The following MICALL2 variants were observed in gnomAD, a reference collection of about 807,000 sequenced individuals.
MICALL2 encodes the protein MICAL-like protein 2.
Under a neutral mutation model 91.1 loss-of-function variants are expected in MICALL2, and 111 were observed. The ratio of observed to expected loss-of-function variants is 1.22; its 90% CI spans 1.04 to 1.43. MICALL2 has a LOEUF of 1.43. Ranked by LOEUF, MICALL2 falls within the 40% of genes most tolerant of loss-of-function variation. The probability of loss-of-function intolerance (pLI) is 0.00; values close to 1 mark genes in which losing one functional copy is unlikely to be tolerated. For synonymous variants in MICALL2, 694 were observed against 525.3 expected (o/e 1.32, Z -4.39); for missense variants, 1,556 against 1,236.0 (o/e 1.26, Z -3.88).
intron 14 of MICALL2, 71 bp downstream of exon 14, chr7:1,437,464 C>G: frequency 7.3e-7 from 1 of 1,363,782 alleles, no homozygotes; most frequent in Non-Finnish European, 9.7e-7. Context: ...CTCACAGAGC[C>G]GGCCCCCAGA....
Position 1,442,180 on chromosome 7 carries a change from C to T in MICALL2, c.1711+12G>A. 6.2e-7 allele frequency: 1 copy of T among 1,611,348 alleles called. No homozygotes were observed. The highest frequency in any genetic ancestry group is 1.1e-5 in the South Asian group (1 of 90,968). On this transcript the variant is annotated intron_variant, in intron 7 of 16. Coordinates refer to ENST00000297508, the MANE Select transcript of MICALL2 (RefSeq NM_182924.4). ...GCCCCCGGGGCCTCCTGCCTCCCAG[C>T]CCCTTACTCACCCTGCGTTAAGGTG...
At position 1,434,458 on chromosome 7, in the gene MICALL2, G is replaced by A; in HGVS notation, c.*138C>T. 1.3e-6 allele frequency: 1 copy of A among 766,900 alleles called. No individual in the cohort carries two copies. Among genetic ancestry groups the A allele is most frequent in the South Asian group, 1.4e-5 (1 of 69,782 alleles). The allele number at this position is 766,900 out of a possible 1,614,324, so 47.5% of individuals were successfully genotyped here. The stretch of plus-strand genomic sequence containing the variant: ...TGTAGGGACAGGAGGCCCTTCCCGA[G>A]TCCAAGTCCGAATGCCGGGTCCGGG... On this transcript the variant is annotated 3_prime_UTR_variant, in exon 17 of 17. Coordinates refer to ENST00000297508, the MANE Select transcript of MICALL2 (RefSeq NM_182924.4).
At position 1,451,862 on chromosome 7, in the gene MICALL2, G is replaced by A. The variant is rs1299840859; in HGVS notation, c.144-1574C>T. On this transcript the variant is annotated intron_variant, in intron 1 of 16. Coordinates refer to ENST00000297508, the MANE Select transcript of MICALL2 (RefSeq NM_182924.4). This position sits in a 1 kb window ranked among gnomAD's most constrained non-coding sequence, Gnocchi z 4.5. Reference sequence around the variant, plus strand: ...GGCGGCCTAGTTCTGAGCCCAGCCTGCACAGCCCTTGCCAGGCCCTGACCC... The same window carrying A: ...GGCGGCCTAGTTCTGAGCCCAGCCTACACAGCCCTTGCCAGGCCCTGACCC... 6.6e-6 allele frequency among the ~76,000 whole-genome samples: 1 copy of A among 152,210 alleles called. No individual in the cohort carries two copies. The highest frequency in any genetic ancestry group is 1.9e-4 in the East Asian group (1 of 5,188).
rs113968867 is a variant in MICALL2 at position 1,445,312 on chromosome 7, G to A, written c.758C>T (p.Thr253Met). ...CCCTGGCTGTCGGGGGACCAGACCC[G>A]TCAACTTGGGGCTTGCAGAGGCGGC... Reference protein sequence around the residue: ...PAAASASPKLTGLVPRQPGAM... With the variant: ...PAAASASPKLMGLVPRQPGAM... Residue 253 changes from threonine (T) to methionine (M), a missense_variant, in exon 6 of 17, where the codon ACG becomes ATG. By Grantham distance (81) the Thr-to-Met change is moderately conservative (BLOSUM62 -1). Transcript: ENST00000297508. 212 of 1,611,304 alleles carry A rather than the reference G, an allele frequency of 1.3e-4. No individual in the cohort carries two copies. In the East Asian group the frequency reaches 1.9e-3, roughly 15 times the overall value.
In MICALL2 at chr7:1,442,342, TCAG is replaced by T; in HGVS notation, c.1558_1560del (p.Leu520del). The T allele has an allele frequency of 6.2e-7, 1 of 1,612,940 alleles. No individual in the cohort carries two copies. The highest frequency in any genetic ancestry group is 1.1e-5 in the South Asian group (1 of 91,056). On this transcript the variant is annotated inframe_deletion, in exon 7 of 17. Coordinates refer to ENST00000297508, the MANE Select transcript of MICALL2 (RefSeq NM_182924.4). ...GATGCCTGAGAGGTACTGCTCGTGC[TCAG>T]CGGGGCTGGCGGTTCCATCCTCGAA...
chr7:1,456,697 G>C (rs1354034570), intron 1 of MICALL2, among the ~76,000 whole-genome samples: 1 of 152,170 alleles, frequency 6.6e-6, no homozygotes, highest in African/African-American at 2.4e-5. Flanking sequence ...CTTGAGTCCA[G>C]GTGTTCAAGA....
At position 1,434,583 on chromosome 7, in the gene MICALL2, G is replaced by C. The variant is rs1459383994; in HGVS notation, c.*13C>G. 4 of 1,606,752 alleles carry C rather than the reference G, an allele frequency of 2.5e-6. No individual in the cohort carries two copies. In the African/African-American group the frequency reaches 4.0e-5, roughly 16 times the overall value. ...ATGCCAGGTCCGGGCCGAGCCCACG[G>C]CCCTACTGGCTACTACTGGGAGGGG... On this transcript the variant is annotated 3_prime_UTR_variant, in exon 17 of 17. Transcript: ENST00000297508.
chr7:1,448,061 A>T (rs954534961), intron 3 of MICALL2: 1 of 136,002 alleles, frequency 7.4e-6, no homozygotes, highest in African/African-American at 2.8e-5. Context: ...TCTAAACCCT[A>T]GAAGAGGAAT....
At position 1,434,426 on chromosome 7, in the gene MICALL2, TG is replaced by T; in HGVS notation, c.*169del. On this transcript the variant is annotated 3_prime_UTR_variant, in exon 17 of 17. Coordinates refer to ENST00000297508, the MANE Select transcript of MICALL2 (RefSeq NM_182924.4). ...GTAGCGCAGGTCCCTGCTGTCCACA[TG>T]CCCCTTGTAGGGACAGGAGGCCCTT... is the stretch of plus-strand genomic sequence containing the variant. 1.4e-6 allele frequency: 1 copy of T among 704,488 alleles called. No individual in the cohort carries two copies. The highest frequency in any genetic ancestry group is 2.6e-6 in the Non-Finnish European group (1 of 386,166). 43.6% of individuals were successfully genotyped at this position (704,488 alleles called of 1,614,324 possible).
chr7:1,449,261 A>G (rs1780732498), intron 2 of MICALL2, among the ~76,000 whole-genome samples: 1 of 152,192 alleles, frequency 6.6e-6, no homozygotes, highest in African/African-American at 2.4e-5. Flanking sequence ...GGCTGTGAGC[A>G]TGGGAAGTGT....
At position 1,445,295 on chromosome 7, in the gene MICALL2, G is replaced by A; in HGVS notation, c.775C>T (p.Gln259Ter). The A allele has an allele frequency of 6.2e-7, 1 of 1,612,202 alleles. No homozygotes were observed. The highest frequency in any genetic ancestry group is 1.7e-4 in the Middle Eastern group (1 of 6,056). Reference sequence around the variant, plus strand: ...GAATCCACACCCATGGCCCCTGGCTGTCGGGGGACCAGACCCGTCAACTTG... The same window carrying A: ...GAATCCACACCCATGGCCCCTGGCTATCGGGGGACCAGACCCGTCAACTTG... ...SPKLTGLVPR[Q>*]PGAMGVDSRT... The change falls in exon 6 of 17, where the codon CAG (glutamine) becomes TAG (stop). Residue 259 changes from glutamine (Q) to a stop codon, truncating the protein, a stop_gained. Transcript: ENST00000297508. LOFTEE classifies it high-confidence loss of function.
chr7:1,437,471 C>T lies in MICALL2; in HGVS notation c.2476+64G>A, dbSNP rs544684977. On this transcript the variant is annotated intron_variant, in intron 14 of 16. Transcript: ENST00000297508. The stretch of plus-strand genomic sequence containing the variant: ...CAGGTGGCCTCACAGAGCCGGCCCC[C>T]AGACATCCTGGGCTCCGCGGCATCC... 41 of 1,416,936 alleles carry T rather than the reference C, an allele frequency of 2.9e-5. 1 individual carries two copies. The South Asian group carries it at 5.1e-4, about 18-fold the overall frequency. 87.8% of individuals were successfully genotyped at this position (1,416,936 alleles called of 1,614,324 possible).
At position 1,445,120 on chromosome 7, in the gene MICALL2, C is replaced by G; in HGVS notation, c.950G>C (p.Arg317Thr). Residue 317 changes from arginine to threonine, a missense_variant, in exon 6 of 17, where the codon AGG (arginine) becomes ACG (threonine). Transcript: ENST00000297508. The stretch of plus-strand genomic sequence containing the variant: ...GCTCTCAGAGGGCCTGGCTGGGCTC[C>G]TCACGTGGACGGACGTGGCGCTGGT... ...AATSATSVHV[R>T]SPARPSESRL... The G allele has an allele frequency of 6.4e-7, 1 of 1,558,254 alleles. No homozygotes were observed.
chr7:1,452,149 C>T lies in MICALL2; in HGVS notation c.144-1861G>A, dbSNP rs907498168. 1.3e-5 allele frequency among the ~76,000 whole-genome samples: 2 copies of T among 152,172 alleles called. No homozygotes were observed. The highest frequency in any genetic ancestry group is 4.8e-5 in the African/African-American group (2 of 41,428). Reference sequence around the variant, plus strand: ...TAACAGGTTTCAGACGGCAGGACCACCCGTCTGCACAGGCGGAGCTTCTGC... The same window carrying T: ...TAACAGGTTTCAGACGGCAGGACCATCCGTCTGCACAGGCGGAGCTTCTGC... On this transcript the variant is annotated intron_variant, in intron 1 of 16. Transcript: ENST00000297508. The surrounding 1 kb of genome is among the most constrained non-coding windows in gnomAD (Gnocchi z 6.2).
intron 9 of MICALL2, 80 bp downstream of exon 9, chr7:1,439,845 A>G: frequency 8.1e-7 from 1 of 1,237,674 alleles, no homozygotes; most frequent in Non-Finnish European, 1.1e-6. Flanking sequence ...GTGGCACTAC[A>G]GGTCCAGTCC....
intron 5 of MICALL2, 123 bp from the exon 6 acceptor site, chr7:1,445,551 C>T (rs747882426): frequency 4.6e-6 from 4 of 872,352 alleles, no homozygotes; most frequent in Non-Finnish European, 6.8e-6. Flanking sequence ...GCTGAACGCC[C>T]GCCCCGCCAC....
chr7:1,434,980 T>TGGC, intron 16 of MICALL2, 121 bp downstream of exon 16: 6 of 628,928 alleles, frequency 9.5e-6, no homozygotes, highest in East Asian at 3.0e-5. Context: ...GGGGACCCGA[T>TGGC]ACCCGCCCCC....
At position 1,447,657 on chromosome 7, in the gene MICALL2, C is replaced by G. The variant is rs745974899; in HGVS notation, c.443G>C (p.Arg148Pro). 12 of 1,587,596 alleles carry G rather than the reference C, an allele frequency of 7.6e-6. No homozygotes were observed. Among genetic ancestry groups the G allele is most frequent in the Non-Finnish European group, 1.0e-5 (12 of 1,167,842 alleles). Residue 148 changes from arginine to proline, a missense_variant, in exon 4 of 17, where the codon CGG becomes CCG. By Grantham distance (103) the Arg-to-Pro change is moderately radical (BLOSUM62 -2). Transcript: ENST00000297508. Reference protein sequence around the residue: ...AAKLPSPAPARKPPLSPAQTN... With the variant: ...AAKLPSPAPAPKPPLSPAQTN... ...CTGGGCTGGAGATAGTGGAGGCTTC[C>G]GGGCTGGGGCGGGCGAGGGCAGCTT...
At chr7:1,448,106 C>T (rs1780678341) in intron 3 of MICALL2, 2 of 254,882 alleles carry the variant, frequency 7.8e-6, no homozygotes, top group South Asian at 1.9e-4. Flanking sequence ...GAGCTCTACA[C>T]ACACAAAGGC....
Sources: gnomAD v4.1 joint callset for allele counts (sites outside exome capture counted in the v4.1 genomes callset) on GRCh38, gnomAD v4.1.1 for gene constraint, Gnocchi (gnomAD v3.1) non-coding constraint, MANE v1.5 for transcripts, NCBI Gene and HGNC (gene_info 2026-07-23, HGNC 2026-07-21) for gene names.